LRP1B: variants seen among roughly 807,000 people sequenced by gnomAD.
LRP1B encodes LDL receptor related protein 1B, also known as low-density lipoprotein receptor-related protein 1B.
A neutral mutation model predicts 556.6 loss-of-function variants in LRP1B; 217 were observed. The observed-to-expected ratio is 0.39, with a 90% confidence interval of 0.35 to 0.44. LRP1B has a LOEUF of 0.44. Ranked by LOEUF, LRP1B falls within the 20% of genes least tolerant of loss-of-function variation. LRP1B has a pLI of 1.00. For missense variants in LRP1B, 5,053 were observed against 5,620.8 expected (o/e 0.90, Z 3.23); for synonymous variants, 2,047 against 1,865.8 (o/e 1.10, Z -2.50).
At chr2:140,361,870 T>A (rs1308396027) in intron 72 of LRP1B, among the ~76,000 whole-genome samples, 1 of 151,590 alleles carries the variant, frequency 6.6e-6, no homozygotes, top group Non-Finnish European at 1.5e-5. Context: ...TAATGCCTAC[T>A]TGAAATCTCT....
chr2:141,339,862 G>A (rs1433104136), intron 3 of LRP1B, among the ~76,000 whole-genome samples: 3 of 152,028 alleles, frequency 2.0e-5, no homozygotes, highest in African/African-American at 4.8e-5. Context: ...AAGGCTGGGT[G>A]TTTAGTGCAC....
chr2:140,424,654 A>G (rs953137529), intron 66 of LRP1B, among the ~76,000 whole-genome samples: 2 of 152,220 alleles, frequency 1.3e-5, no homozygotes, highest in African/African-American at 4.8e-5. Flanking sequence ...GTCACAGTCC[A>G]TATTGAAGAA....
intron 7 of LRP1B, among the ~76,000 whole-genome samples, chr2:141,085,694 T>A (rs185925336): frequency 1.2e-4 from 19 of 152,320 alleles, no homozygotes; most frequent in African/African-American, 4.6e-4. Context: ...CCTAGCAAAC[T>A]AATACATAAC....
At chr2:140,628,990 C>T (rs978225673) in intron 41 of LRP1B, among the ~76,000 whole-genome samples, 3 of 152,008 alleles carry the variant, frequency 2.0e-5, no homozygotes, top group Non-Finnish European at 4.4e-5. Context: ...TTCCTGTACA[C>T]CCTGCAGAAC....
intron 2 of LRP1B, among the ~76,000 whole-genome samples, chr2:141,789,651 T>C (rs549268516): frequency 1.1e-4 from 16 of 152,044 alleles, no homozygotes; most frequent in African/African-American, 3.6e-4. Flanking sequence ...AGGATGTCAG[T>C]GTTTTGGCTG....
intron 7 of LRP1B, among the ~76,000 whole-genome samples, chr2:141,139,593 A>C (rs1352910143): frequency 6.6e-6 from 1 of 152,040 alleles, no homozygotes; most frequent in Non-Finnish European, 1.5e-5. Flanking sequence ...ATGAAAAAAA[A>C]TTCAATATCA....
intron 3 of LRP1B, among the ~76,000 whole-genome samples, chr2:141,411,582 G>A (rs1483544300): frequency 1.3e-5 from 2 of 152,050 alleles, no homozygotes; most frequent in East Asian, 1.9e-4. Flanking sequence ...TGAAACTTCA[G>A]CTACTTTTAA....
At chr2:140,361,313 T>C (rs1258738998) in intron 72 of LRP1B, among the ~76,000 whole-genome samples, 1 of 134,754 alleles carries the variant, frequency 7.4e-6, no homozygotes, top group African/African-American at 2.7e-5. Context: ...CCACCAAGTA[T>C]GAATATTTAT....
chr2:140,782,708 T>A (rs2104966110), intron 32 of LRP1B, among the ~76,000 whole-genome samples: 1 of 152,236 alleles, frequency 6.6e-6, no homozygotes, highest in Admixed American at 6.5e-5. Context: ...TATAAATTGA[T>A]CCTACCATAC....
chr2:140,910,489 A>G (rs956085758), intron 21 of LRP1B, among the ~76,000 whole-genome samples: 5 of 151,870 alleles, frequency 3.3e-5, no homozygotes, highest in Non-Finnish European at 5.9e-5. Flanking sequence ...ATTTTATTCC[A>G]TATTGCAACA....
intron 7 of LRP1B, among the ~76,000 whole-genome samples, chr2:141,100,071 ATCTCT>A: frequency 6.6e-6 from 1 of 152,158 alleles, no homozygotes; most frequent in Non-Finnish European, 1.5e-5. Flanking sequence ...CTGTTTCAAG[ATCTCT>A]TATCCTGGAT....
chr2:140,497,798 T>C (rs545883416), intron 55 of LRP1B, among the ~76,000 whole-genome samples: 24 of 152,030 alleles, frequency 1.6e-4, no homozygotes, highest in African/African-American at 5.3e-4. Flanking sequence ...AGAAGTACTA[T>C]ATGAAATAGA....
intron 55 of LRP1B, 79 bp from the exon 56 acceptor site, chr2:140,495,827 G>A: frequency 8.5e-7 from 1 of 1,170,630 alleles, no homozygotes; most frequent in South Asian, 1.6e-5. Flanking sequence ...TTAGCATTAA[G>A]CAAGAAAAGC....
chr2:141,957,661 T>A (rs1178305911), intron 1 of LRP1B, among the ~76,000 whole-genome samples: 1 of 152,048 alleles, frequency 6.6e-6, no homozygotes, highest in Admixed American at 6.6e-5. Flanking sequence ...TTCTTGTTTT[T>A]TACAGATTAC....
intron 60 of LRP1B, among the ~76,000 whole-genome samples, chr2:140,474,270 T>G (rs1687879876): frequency 6.6e-6 from 1 of 151,922 alleles, no homozygotes; most frequent in African/African-American, 2.4e-5. Flanking sequence ...TGGAACACAC[T>G]GGCAGAGTAT....
At chr2:140,874,156 T>C (rs995605424) in intron 25 of LRP1B, among the ~76,000 whole-genome samples, 3 of 152,138 alleles carry the variant, frequency 2.0e-5, no homozygotes, top group Non-Finnish European at 4.4e-5. Context: ...CTGTCTATAA[T>C]TAAAGAGAAA....
chr2:141,544,697 A>T (rs952769495), intron 2 of LRP1B, among the ~76,000 whole-genome samples: 17 of 151,996 alleles, frequency 1.1e-4, no homozygotes, highest in Admixed American at 1.1e-3. Context: ...ACAGGGTCTC[A>T]CGTTGTCACT....
At chr2:140,344,954 T>G (rs1681577403) in intron 77 of LRP1B, among the ~76,000 whole-genome samples, 1 of 151,742 alleles carries the variant, frequency 6.6e-6, no homozygotes, top group South Asian at 2.1e-4. Context: ...GTGATTCACC[T>G]TAGAATCATT....
intron 7 of LRP1B, among the ~76,000 whole-genome samples, chr2:141,176,561 C>T (rs1680744863): frequency 6.7e-6 from 1 of 149,762 alleles, no homozygotes. Context: ...GTTAAGCCTG[C>T]AGAACTGTGA....
Sources: allele counts gnomAD v4.1 joint callset (sites outside exome capture counted in the v4.1 genomes callset), GRCh38; gene constraint gnomAD v4.1.1; transcripts MANE v1.5; gene names NCBI Gene and HGNC (gene_info 2026-07-23, HGNC 2026-07-21).